PTRH1: variants seen among roughly 807,000 people sequenced by gnomAD.
PTRH1 encodes the protein peptidyl-tRNA hydrolase.
In PTRH1, 13 loss-of-function variants were observed where a neutral mutation model predicts 15.7. The observed-to-expected ratio is 0.83, with a 90% CI of 0.54 to 1.31. PTRH1 has a LOEUF of 1.31. PTRH1 is among the 40% of genes most tolerant of loss of function. The pLI, the probability that PTRH1 is intolerant of heterozygous loss-of-function variation, is 0.00. For synonymous variants in PTRH1, 139 were observed against 136.7 expected (o/e 1.02, Z -0.12); for missense variants, 319 against 296.2 (o/e 1.08, Z -0.56).
downstream of PTRH1, chr9:127,711,581 C>T: frequency 1.3e-6 from 2 of 1,507,620 alleles, no homozygotes; most frequent in Non-Finnish European, 1.8e-6. Context: ...GAGTCAGGGG[C>T]AGTCAAGTCA....
intron 1 of PTRH1, among the ~76,000 whole-genome samples, chr9:127,699,949 G>T (rs1266359327): frequency 4.6e-5 from 7 of 152,020 alleles, no homozygotes; most frequent in Non-Finnish European, 1.5e-5. Context: ...CCGAGACTGA[G>T]GCGGGCAGAT....
At chr9:127,711,940 C>A, downstream of PTRH1, 1 of 1,606,168 alleles carries the variant, frequency 6.2e-7, no homozygotes, top group Non-Finnish European at 8.5e-7. Context: ...GGTGGATAAC[C>A]AGGCACTGAA....
chr9:127,709,635 G>A, downstream of PTRH1: 1 of 1,613,812 alleles, frequency 6.2e-7, no homozygotes, highest in Non-Finnish European at 8.5e-7. The surrounding 1 kb of genome is among the most constrained non-coding windows in gnomAD (Gnocchi z 4.7). Flanking sequence ...AGCTGGCCCA[G>A]GTGCGCCACG....
intron 1 of PTRH1, chr9:127,706,965 C>A: frequency 1.3e-6 from 2 of 1,575,726 alleles, no homozygotes; most frequent in Non-Finnish European, 1.7e-6. Context: ...TTGCTATGTA[C>A]GGGACCAGCT....
At chr9:127,706,889 C>T in intron 1 of PTRH1, 2 of 962,314 alleles carry the variant, frequency 2.1e-6, no homozygotes, top group Non-Finnish European at 3.1e-6. Context: ...GGAGTGGGAC[C>T]TGGTACCGGC....
chr9:127,703,373 G>A (rs1247985392), intron 1 of PTRH1, among the ~76,000 whole-genome samples: 1 of 151,970 alleles, frequency 6.6e-6, no homozygotes, highest in Non-Finnish European at 1.5e-5. Context: ...TTGAATCCAG[G>A]AGGTGGAGGT....
intron 2 of PTRH1, 50 bp downstream of exon 2, chr9:127,714,925 A>AACCCC: frequency 3.2e-6 from 1 of 313,266 alleles, no homozygotes; most frequent in Non-Finnish European, 5.7e-6. Context: ...CCCGCGCCCC[A>AACCCC]ACCCCCACCC....
downstream of PTRH1, chr9:127,712,135 G>A: frequency 6.3e-7 from 1 of 1,586,898 alleles, no homozygotes. Context: ...AGGGCCCCTG[G>A]CCCCAGGTGG....
At position 127,696,731 on chromosome 9, in the gene PTRH1, G is replaced by A. The variant is rs138396669; in HGVS notation, c.206-1590C>T. 2.6e-3 allele frequency among the ~76,000 whole-genome samples: 400 copies of A among 152,252 alleles called. 10 individuals carry two copies. In the East Asian group the frequency reaches 0.059, roughly 22 times the overall value. On this transcript the variant is annotated intron_variant, in intron 1 of 2. Transcript: ENST00000335223. Reference sequence around the variant, plus strand: ...AAAAAAATTAGCTGGGCGTGGTGGTGGACACCTGTAATCCCAGTTACTTGG... The same window carrying A: ...AAAAAAATTAGCTGGGCGTGGTGGTAGACACCTGTAATCCCAGTTACTTGG...
chr9:127,711,839 A>G, downstream of PTRH1: 2 of 1,571,856 alleles, frequency 1.3e-6, no homozygotes, highest in Non-Finnish European at 1.7e-6. Flanking sequence ...ATGCTGACTA[A>G]GAAGTGCCAG....
chr9:127,715,369 G>A lies in PTRH1; in HGVS notation c.96+175C>T, dbSNP rs1342020003. ...CCTGAGAACTCCAGAAGGCTGGGCA[G>A]GCAGGGCGCCCTAGTGCAGGAACGG... is the stretch of plus-strand genomic sequence containing the variant. On this transcript the variant is annotated intron_variant, in intron 1 of 4. Transcript: ENST00000543175. The surrounding 1 kb of genome is among the most constrained non-coding windows in gnomAD (Gnocchi z 5.8). 5.6e-6 allele frequency: 7 copies of A among 1,242,220 alleles called. No individual in the cohort carries two copies. Among genetic ancestry groups the A allele is most frequent in the Non-Finnish European group, 8.0e-6 (7 of 876,800 alleles). 76.9% of individuals were successfully genotyped at this position (1,242,220 alleles called of 1,614,324 possible).
At chr9:127,710,677 G>C, downstream of PTRH1, 1 of 1,581,338 alleles carries the variant, frequency 6.3e-7, no homozygotes, top group Non-Finnish European at 8.6e-7. Flanking sequence ...TGCTGGAGGA[G>C]CAGGTGCGGA....
Position 127,713,906 on chromosome 9 carries a change from G to A in PTRH1, c.*194C>T, listed in dbSNP as rs1254521136. 3 of 1,613,670 alleles carry A rather than the reference G, an allele frequency of 1.9e-6. No individual in the cohort carries two copies. Among genetic ancestry groups the A allele is most frequent in the Non-Finnish European group, 2.5e-6 (3 of 1,179,742 alleles). On this transcript the variant is annotated 3_prime_UTR_variant, in exon 5 of 5. Coordinates refer to ENST00000543175, the MANE Select transcript of PTRH1 (RefSeq NM_001002913.3). ...TGAAGTTCCCCTACGTCCCAAGTAG[G>A]ACACAGAGAGAAGAACCTACTCCAG...
downstream of PTRH1, chr9:127,712,188 T>G (rs746183622): frequency 8.1e-6 from 13 of 1,613,654 alleles, no homozygotes; most frequent in Non-Finnish European, 9.3e-6. Flanking sequence ...CTCATCCCAG[T>G]TGGGGTCCAG....
downstream of PTRH1, chr9:127,712,148 CCA>C (rs753366037): frequency 1.2e-6 from 2 of 1,604,576 alleles, no homozygotes; most frequent in Non-Finnish European, 8.5e-7. Flanking sequence ...CCAGGTGGCC[CCA>C]GTCCTGGGGA....
intron 1 of PTRH1, among the ~76,000 whole-genome samples, chr9:127,701,002 C>T (rs1842599623): frequency 6.6e-6 from 1 of 152,254 alleles, no homozygotes; most frequent in South Asian, 2.1e-4. Context: ...CAAGTCTCCA[C>T]CCCAAAGTAA....
At chr9:127,704,424 G>T (rs906867638) in intron 1 of PTRH1, among the ~76,000 whole-genome samples, 2 of 149,614 alleles carry the variant, frequency 1.3e-5, no homozygotes, top group Non-Finnish European at 3.0e-5. Flanking sequence ...CAGGAGAATC[G>T]CTTGAACCCA....
intron 1 of PTRH1, among the ~76,000 whole-genome samples, chr9:127,700,357 G>T (rs558419468): frequency 6.6e-6 from 1 of 152,180 alleles, no homozygotes; most frequent in South Asian, 2.1e-4. Flanking sequence ...GCGCCTCCAT[G>T]ATGGGGGCTG....
At chr9:127,709,453 CAGG>C (rs775747316), downstream of PTRH1, 31 of 1,613,656 alleles carry the variant, frequency 1.9e-5, no homozygotes, top group South Asian at 3.3e-5. The surrounding 1 kb of genome is among the most constrained non-coding windows in gnomAD (Gnocchi z 4.7). Context: ...GCTGGCTGTG[CAGG>C]AGAAGATGTT....
Sources: gnomAD v4.1 joint callset for allele counts (sites outside exome capture counted in the v4.1 genomes callset) on GRCh38, gnomAD v4.1.1 for gene constraint, Gnocchi (gnomAD v3.1) non-coding constraint, MANE v1.5 for transcripts, NCBI Gene and HGNC (gene_info 2026-07-23, HGNC 2026-07-21) for gene names.